Variants in E2F2 observed in about 807,000 individuals in gnomAD.
E2F2 encodes transcription factor E2F2.
In E2F2, 22 loss-of-function variants were observed where a neutral mutation model predicts 42.2. The observed-to-expected ratio is 0.52, with a 90% CI of 0.37 to 0.74. E2F2 has a LOEUF of 0.74. Among genes scored for constraint, E2F2 ranks in the 30% least tolerant of loss-of-function variants. The probability of loss-of-function intolerance (pLI) is 0.00; values close to 1 mark genes in which losing one functional copy is unlikely to be tolerated. For missense variants in E2F2, 481 were observed against 557.8 expected, an observed-to-expected ratio of 0.86 and a Z score of 1.39; for synonymous variants, 248 against 251.6, an observed-to-expected ratio of 0.99 and a Z score of 0.13.
At chr1:23,522,105 C>T in intron 2 of E2F2, 49 bp from the exon 3 acceptor site, 2 of 1,561,338 alleles carry the variant, frequency 1.3e-6, no homozygotes, top group Non-Finnish European at 1.8e-6. Flanking sequence ...GAGGGCCCGC[C>T]CAGGACCCTC....
intron 6 of E2F2, among the ~76,000 whole-genome samples, chr1:23,511,470 G>C (rs1269644232): frequency 6.6e-6 from 1 of 151,312 alleles, no homozygotes; most frequent in Non-Finnish European, 1.5e-5. Flanking sequence ...TCCCAGGCTC[G>C]AGCAATCCTC....
rs900931455 is a variant in E2F2, at chr1:23,509,543, C to T, written c.*337G>A. On this transcript the variant is annotated 3_prime_UTR_variant, in exon 7 of 7. Transcript: ENST00000361729. The stretch of plus-strand genomic sequence containing the variant: ...ATGTGCTTCTTGGTACGTCGAGGGT[C>T]CTAATTACCCCTCAAAAGGAGGTAG... 8 of 241,126 alleles carry T rather than the reference C, an allele frequency of 3.3e-5. No homozygotes were observed. Among genetic ancestry groups the T allele is most frequent in the Non-Finnish European group, 4.7e-5 (6 of 126,452 alleles). 14.9% of individuals were successfully genotyped at this position (241,126 alleles called of 1,614,324 possible).
At chr1:23,524,122 T>A (rs1270768954) in intron 2 of E2F2, among the ~76,000 whole-genome samples, 15 of 143,560 alleles carry the variant, frequency 1.0e-4, no homozygotes, top group East Asian at 4.1e-4. Flanking sequence ...AACACAGAAG[T>A]AATGCAAGAT....
intron 6 of E2F2, among the ~76,000 whole-genome samples, chr1:23,512,901 T>C (rs1642938230): frequency 6.6e-6 from 1 of 151,694 alleles, no homozygotes; most frequent in African/African-American, 2.4e-5. Flanking sequence ...CAACGTCTGC[T>C]TTCCTGGTTC....
chr1:23,528,984 A>C (rs1643294596), intron 1 of E2F2, among the ~76,000 whole-genome samples: 1 of 152,176 alleles, frequency 6.6e-6, no homozygotes, highest in Non-Finnish European at 1.5e-5. Flanking sequence ...AGGCTGAGGC[A>C]AGAGGATTGC....
At chr1:23,524,104 C>CAACAACAA (rs1245087730) in intron 2 of E2F2, among the ~76,000 whole-genome samples, 1 of 133,206 alleles carries the variant, frequency 7.5e-6, no homozygotes, top group African/African-American at 2.9e-5. Context: ...ACAACAACAA[C>CAACAACAA]AAAAAAAAAC....
In E2F2 at chr1:23,530,475, G is replaced by T. The variant is rs182524490; in HGVS notation, c.252+67C>A. 4 of 1,575,218 alleles carry T rather than the reference G, an allele frequency of 2.5e-6. No individual in the cohort carries two copies. Among genetic ancestry groups the T allele is most frequent in the Admixed American group, 3.6e-5 (2 of 55,940 alleles). ...CTGCTCCACTCAAACTGGATCTCAGGCACCCCTCCCTCCTTTCCCACACCT... is the reference window on the plus strand; with the variant it reads ...CTGCTCCACTCAAACTGGATCTCAGTCACCCCTCCCTCCTTTCCCACACCT... On this transcript the variant is annotated intron_variant, in intron 1 of 6. Coordinates refer to ENST00000361729, the MANE Select transcript of E2F2 (RefSeq NM_004091.4). The surrounding 1 kb of genome is among the most constrained non-coding windows in gnomAD (Gnocchi z 4.4).
At chr1:23,513,266 A>G (rs377503711) in intron 6 of E2F2, among the ~76,000 whole-genome samples, 3 of 152,094 alleles carry the variant, frequency 2.0e-5, no homozygotes, top group African/African-American at 7.2e-5. Context: ...ACAGTCACCA[A>G]GTCACTAAGA....
intron 6 of E2F2, among the ~76,000 whole-genome samples, chr1:23,513,485 T>C (rs1415946764): frequency 2.0e-5 from 3 of 152,042 alleles, no homozygotes; most frequent in Non-Finnish European, 2.9e-5. Context: ...GTCCCAAGAC[T>C]GTAGTGGCTT....
At chr1:23,524,110 A>C (rs1312063969) in intron 2 of E2F2, among the ~76,000 whole-genome samples, 2 of 151,390 alleles carry the variant, frequency 1.3e-5, no homozygotes, top group African/African-American at 4.8e-5. Flanking sequence ...ACAACAAAAA[A>C]AAACACAGAA....
At chr1:23,525,821 A>G (rs1040787395) in intron 1 of E2F2, among the ~76,000 whole-genome samples, 10 of 152,004 alleles carry the variant, frequency 6.6e-5, no homozygotes, top group African/African-American at 2.4e-4. Flanking sequence ...CATCGAGCCC[A>G]TTTCTTTCCT....
At chr1:23,525,786 T>C (rs1246015318) in intron 1 of E2F2, among the ~76,000 whole-genome samples, 5 of 152,186 alleles carry the variant, frequency 3.3e-5, no homozygotes, top group African/African-American at 1.2e-4. Context: ...TCTCGACCTC[T>C]TCCTTCATAC....
At chr1:23,511,728 G>A (rs1207025231) in intron 6 of E2F2, among the ~76,000 whole-genome samples, 1 of 152,174 alleles carries the variant, frequency 6.6e-6, no homozygotes, top group East Asian at 1.9e-4. Context: ...TGAGACTGGT[G>A]GTGCACCCAT....
intron 6 of E2F2, among the ~76,000 whole-genome samples, chr1:23,513,675 T>C (rs1442398873): frequency 6.8e-6 from 1 of 147,620 alleles, no homozygotes; most frequent in Non-Finnish European, 1.5e-5. Context: ...CCAGGAAAAC[T>C]TCCTCCTCCT....
chr1:23,514,653 C>T (rs1307222433), intron 6 of E2F2, among the ~76,000 whole-genome samples: 1 of 143,680 alleles, frequency 7.0e-6, no homozygotes, highest in East Asian at 2.1e-4. Flanking sequence ...CATGGGGAAA[C>T]CCTGTCTCTA....
intron 6 of E2F2, among the ~76,000 whole-genome samples, chr1:23,511,875 C>T (rs1353143409): frequency 6.6e-6 from 1 of 152,186 alleles, no homozygotes; most frequent in African/African-American, 2.4e-5. Flanking sequence ...CAAAGGGTTG[C>T]TCAGAGGACC....
At position 23,526,369 on chromosome 1, in the gene E2F2, C is replaced by T. The variant is rs574865058; in HGVS notation, c.253-1881G>A. On this transcript the variant is annotated intron_variant, in intron 1 of 6. Coordinates refer to ENST00000361729, the MANE Select transcript of E2F2 (RefSeq NM_004091.4). ...GAAGTAATTGAGGCTTGGGGAGCTCCGAGGCCTCCATCAATCCTGACCAAG... is the reference window on the plus strand; with the variant it reads ...GAAGTAATTGAGGCTTGGGGAGCTCTGAGGCCTCCATCAATCCTGACCAAG... 7.2e-5 allele frequency among the ~76,000 whole-genome samples: 11 copies of T among 152,138 alleles called. No individual in the cohort carries two copies. In the South Asian group the frequency reaches 1.7e-3, roughly 23 times the overall value.
Position 23,530,867 on chromosome 1 carries a change from T to A in E2F2, c.-74A>T. 9.3e-6 allele frequency: 13 copies of A among 1,404,658 alleles called. No homozygotes were observed. Among genetic ancestry groups the A allele is most frequent in the Non-Finnish European group, 1.1e-5 (12 of 1,082,080 alleles). The allele number at this position is 1,404,658 out of a possible 1,614,324, so 87.0% of individuals were successfully genotyped here. On this transcript the variant is annotated 5_prime_UTR_variant, in exon 1 of 7. In the 5' UTR this introduces an upstream ATG that the reference lacks. Coordinates refer to ENST00000361729, the MANE Select transcript of E2F2 (RefSeq NM_004091.4). The surrounding 1 kb of genome is among the most constrained non-coding windows in gnomAD (Gnocchi z 4.4). The stretch of plus-strand genomic sequence containing the variant: ...ACCTGCGGGTTCCGGTGCTGCCGCC[T>A]TTCACACGGCCCGCGGCATGGCGCG...
At position 23,530,460 on chromosome 1, in the gene E2F2, C is replaced by A; in HGVS notation, c.252+82G>T. 1 of 1,548,686 alleles carries A rather than the reference C, an allele frequency of 6.5e-7. No individual in the cohort carries two copies. The highest frequency in any genetic ancestry group is 1.2e-5 in the South Asian group (1 of 83,056). The stretch of plus-strand genomic sequence containing the variant: ...TTCCCAAAACTCTACCTGCTCCACT[C>A]AAACTGGATCTCAGGCACCCCTCCC... On this transcript the variant is annotated intron_variant, in intron 1 of 6. Coordinates refer to ENST00000361729, the MANE Select transcript of E2F2 (RefSeq NM_004091.4). This position sits in a 1 kb window ranked among gnomAD's most constrained non-coding sequence, Gnocchi z 4.4.
Sources: gnomAD v4.1 joint callset for allele counts (sites outside exome capture counted in the v4.1 genomes callset) on GRCh38, gnomAD v4.1.1 for gene constraint, Gnocchi (gnomAD v3.1) non-coding constraint, MANE v1.5 for transcripts, NCBI Gene and HGNC (gene_info 2026-07-23, HGNC 2026-07-21) for gene names.